ADAM23: variants seen among roughly 807,000 people sequenced by gnomAD.
The protein encoded by ADAM23 is disintegrin and metalloproteinase domain-containing protein 23.
A neutral mutation model predicts 120.1 loss-of-function variants in ADAM23; 33 were observed. The observed-to-expected ratio is 0.27, with a 90% CI of 0.21 to 0.37. The LOEUF is 0.37. Among genes scored for constraint, ADAM23 ranks in the 10% least tolerant of loss-of-function variants. The pLI, the probability that ADAM23 is intolerant of heterozygous loss-of-function variation, is 1.00. For synonymous variants in ADAM23, 367 were observed against 375.2 expected (o/e 0.98, Z 0.25); for missense variants, 862 against 1,058.2 (o/e 0.81, Z 2.57).
intron 2 of ADAM23, among the ~76,000 whole-genome samples, chr2:206,473,572 A>AAATAATAATAAT (rs137861771): frequency 0.039 from 5,690 of 147,122 alleles, 119 homozygotes; most frequent in Non-Finnish European, 0.042. Flanking sequence ...CCCATCTCTA[A>AAATAATAATAAT]AATAATAATA....
At position 206,452,899 on chromosome 2, in the gene ADAM23, C is replaced by G. The variant is rs1382140656; in HGVS notation, c.432+7375C>G. On this transcript the variant is annotated intron_variant, in intron 2 of 25. Coordinates refer to ENST00000264377, the MANE Select transcript of ADAM23 (RefSeq NM_003812.4). ...CCCATGACTCCATCCCTCCCCTCTT[C>G]TCTGCATTGTGTTCTTGTCATCGCC... is the stretch of plus-strand genomic sequence containing the variant. Among the ~76,000 whole-genome samples the G allele has an allele frequency of 2.0e-5, 3 of 152,162 alleles. No homozygotes were observed. The East Asian group carries it at 5.8e-4, about 29-fold the overall frequency.
At chr2:206,478,825 G>T (rs1304435279) in intron 2 of ADAM23, among the ~76,000 whole-genome samples, 1 of 152,124 alleles carries the variant, frequency 6.6e-6, no homozygotes, top group Admixed American at 6.6e-5. Context: ...CATGCCTTGA[G>T]TGTCTTTTCT....
At chr2:206,446,868 G>C (rs1574471897) in intron 2 of ADAM23, among the ~76,000 whole-genome samples, 1 of 152,274 alleles carries the variant, frequency 6.6e-6, no homozygotes, top group Non-Finnish European at 1.5e-5. Context: ...TAGGAGAAAT[G>C]GGTGTTGTCT....
intron 18 of ADAM23, among the ~76,000 whole-genome samples, chr2:206,581,784 C>A (rs1395053343): frequency 6.6e-6 from 1 of 152,200 alleles, no homozygotes; most frequent in Non-Finnish European, 1.5e-5. Flanking sequence ...TGTTGACTTT[C>A]TGTCTTGATG....
At chr2:206,609,673 T>C in intron 24 of ADAM23, 1 of 448,494 alleles carries the variant, frequency 2.2e-6, no homozygotes, top group Non-Finnish European at 3.9e-6. Context: ...GAAAGGTGAA[T>C]TTAATGGAAC....
At chr2:206,565,497 A>G (rs983399405) in intron 14 of ADAM23, among the ~76,000 whole-genome samples, 2 of 152,230 alleles carry the variant, frequency 1.3e-5, no homozygotes. Context: ...AAATCAATAA[A>G]GCTTTTTAAA....
At chr2:206,498,215 A>G (rs1296358290) in intron 3 of ADAM23, among the ~76,000 whole-genome samples, 1 of 152,220 alleles carries the variant, frequency 6.6e-6, no homozygotes. Flanking sequence ...CCAAAAGAAC[A>G]AAGCTGGAGG....
intron 3 of ADAM23, among the ~76,000 whole-genome samples, chr2:206,516,637 C>G (rs1464634278): frequency 6.6e-6 from 1 of 152,048 alleles, no homozygotes; most frequent in Non-Finnish European, 1.5e-5. Context: ...CACCCCTTTG[C>G]CCTCATCTAA....
chr2:206,615,500 A>G (rs1477641618), intron 25 of ADAM23, among the ~76,000 whole-genome samples: 2 of 152,170 alleles, frequency 1.3e-5, no homozygotes, highest in Admixed American at 6.5e-5. Flanking sequence ...TGGTTTTACA[A>G]TTTATGTGTG....
rs1698995764 is a variant in ADAM23 at position 206,619,210 on chromosome 2, T to TG, written c.*1584dup. The TG allele has an allele frequency of 6.6e-6, 1 of 152,258 alleles. No homozygotes were observed. The highest frequency in any genetic ancestry group is 2.4e-5 in the African/African-American group (1 of 41,468). The allele number at this position is 152,258 out of a possible 1,614,324, so 9.4% of individuals were successfully genotyped here. ...GGCATTTTACTGATCAGTGGACCGT[T>TG]GCACTGGATTATAATGGGATTCTAC... On this transcript the variant is annotated 3_prime_UTR_variant, in exon 26 of 26. Transcript: ENST00000264377.
chr2:206,567,401 C>T lies in ADAM23; in HGVS notation c.1494+79C>T, dbSNP rs565352048. ...CAGTGCAACAGTGCTGGATATCAGA[C>T]GCCTGTCTTGGAAAGCAGGTTTCTT... On this transcript the variant is annotated intron_variant, in intron 15 of 25. Transcript: ENST00000264377. 5.7e-5 allele frequency: 65 copies of T among 1,147,570 alleles called. 1 individual carries two copies. Among genetic ancestry groups the T allele is most frequent in the Non-Finnish European group, 6.9e-5 (55 of 800,716 alleles). The allele number at this position is 1,147,570 out of a possible 1,614,324, so 71.1% of individuals were successfully genotyped here.
chr2:206,480,290 G>T (rs970842120), intron 2 of ADAM23, among the ~76,000 whole-genome samples: 2 of 152,110 alleles, frequency 1.3e-5, no homozygotes, highest in African/African-American at 4.8e-5. Flanking sequence ...GGAGGGAATA[G>T]AAAGTACTGG....
Position 206,443,939 on chromosome 2 carries a change from C to T in ADAM23, c.73C>T (p.Pro25Ser). Residue 25 changes from proline (P) to serine (S), a missense_variant, in exon 1 of 26, where the codon CCC becomes TCC. Physicochemically the swap from Pro to Ser is moderately conservative, Grantham distance 74 (BLOSUM62 -1). Around this residue, in one of 4 missense-constraint regions of ADAM23, gnomAD observed 225 missense variants for 204.0 expected, o/e 1.10. Coordinates refer to ENST00000264377, the MANE Select transcript of ADAM23 (RefSeq NM_003812.4). ...CAGCCTTGCCGGCGCTTCCTGCGGCCCCCAACGCGGCCCCGCCGGCTCGGT... is the reference window on the plus strand; with the variant it reads ...CAGCCTTGCCGGCGCTTCCTGCGGCTCCCAACGCGGCCCCGCCGGCTCGGT... Reference protein sequence around the residue: ...GCSLAGASCGPQRGPAGSVPA... With the variant: ...GCSLAGASCGSQRGPAGSVPA... The T allele has an allele frequency of 8.0e-7, 1 of 1,250,612 alleles. No homozygotes were observed. The highest frequency in any genetic ancestry group is 1.0e-6 in the Non-Finnish European group (1 of 1,002,002). The allele number at this position is 1,250,612 out of a possible 1,614,324, so 77.5% of individuals were successfully genotyped here. A position where few individuals can be genotyped will look rare whatever the true frequency, so the allele number is the denominator to read the frequency against.
At chr2:206,581,300 T>C (rs962904011) in intron 18 of ADAM23, among the ~76,000 whole-genome samples, 1 of 152,222 alleles carries the variant, frequency 6.6e-6, no homozygotes, top group African/African-American at 2.4e-5. Context: ...TCTAGTTCCT[T>C]GAGGTATGAC....
chr2:206,570,385 CTG>C lies in ADAM23; in HGVS notation c.1495-352_1495-351del, dbSNP rs539021924. Among the ~76,000 whole-genome samples, 20 of 152,222 alleles carry C rather than the reference CTG, an allele frequency of 1.3e-4. 1 individual carries two copies. The South Asian group carries it at 3.7e-3, about 28-fold the overall frequency. On this transcript the variant is annotated intron_variant, in intron 15 of 25. Coordinates refer to ENST00000264377, the MANE Select transcript of ADAM23 (RefSeq NM_003812.4). ...TGAGACAAGTTAGCAAATTAGATAT[CTG>C]TGAGTCTTATTAGCAATGCATTTTA... is the stretch of plus-strand genomic sequence containing the variant.
chr2:206,565,135 C>G, intron 14 of ADAM23, 67 bp downstream of exon 14: 1 of 1,462,402 alleles, frequency 6.8e-7, no homozygotes, highest in South Asian at 1.1e-5. Context: ...GAGTTAGAAA[C>G]AAGGTCTCTC....
intron 2 of ADAM23, among the ~76,000 whole-genome samples, chr2:206,469,545 A>C (rs1695610957): frequency 6.6e-6 from 1 of 152,176 alleles, no homozygotes; most frequent in South Asian, 2.1e-4. Context: ...CCCTCTGACC[A>C]CTTTAGTGCA....
At chr2:206,593,697 C>A (rs772625915) in intron 22 of ADAM23, among the ~76,000 whole-genome samples, 1 of 151,926 alleles carries the variant, frequency 6.6e-6, no homozygotes, top group East Asian at 1.9e-4. Flanking sequence ...TGTTTTCATG[C>A]CTTTAGATAA....
chr2:206,456,789 T>G (rs1439186797), intron 2 of ADAM23, among the ~76,000 whole-genome samples: 1 of 152,160 alleles, frequency 6.6e-6, no homozygotes, highest in African/African-American at 2.4e-5. Flanking sequence ...TTAGAAGTAG[T>G]CAAATCCAAG....
Sources: allele counts gnomAD v4.1 joint callset (sites outside exome capture counted in the v4.1 genomes callset), GRCh38; gene constraint gnomAD v4.1.1; regional missense constraint gnomAD v4.1.1; transcripts MANE v1.5; gene names NCBI Gene and HGNC (gene_info 2026-07-23, HGNC 2026-07-21).